Variants in NCAPD2 observed in about 807,000 individuals in gnomAD.
The protein encoded by NCAPD2 is condensin complex subunit 1.
NCAPD2 carries 100 observed loss-of-function variants against 164.5 expected under a neutral mutation model. That is an observed-to-expected ratio of 0.61 (90% CI 0.52 to 0.72). The LOEUF (loss-of-function observed/expected upper bound fraction) is 0.72, where lower values mean the gene tolerates loss of function less well. NCAPD2 is among the 30% of genes least tolerant of loss of function. The pLI is 0.00. For synonymous variants in NCAPD2, 585 were observed against 642.6 expected (o/e 0.91, Z 1.36); for missense variants, 1,560 against 1,749.2 (o/e 0.89, Z 1.93).
chr12:6,521,529 CA>C (rs1442615226), intron 14 of NCAPD2, among the ~76,000 whole-genome samples: 5 of 150,592 alleles, frequency 3.3e-5, no homozygotes, highest in South Asian at 4.2e-4. Flanking sequence ...CAAGGGATAC[CA>C]AAAAAAAATT....
intron 2 of NCAPD2, among the ~76,000 whole-genome samples, chr12:6,497,808 A>T (rs1945997702): frequency 6.6e-6 from 1 of 151,998 alleles, no homozygotes; most frequent in Admixed American, 6.6e-5. Context: ...TAGTTGAGAC[A>T]GGGTTTCACC....
chr12:6,525,477 T>C, intron 17 of NCAPD2, 106 bp from the exon 18 acceptor site: 2 of 1,312,172 alleles, frequency 1.5e-6, no homozygotes, highest in Non-Finnish European at 2.1e-6. Flanking sequence ...TCTTCCTAAG[T>C]ATTACTTTTG....
chr12:6,495,282 A>T lies in NCAPD2; in HGVS notation c.127+57A>T, dbSNP rs866231587. 5.6e-5 allele frequency: 89 copies of T among 1,588,008 alleles called. No homozygotes were observed. The Middle Eastern group carries it at 6.5e-3, about 117-fold the overall frequency. ...TCTTTCAAAGGACCATCTCACATGGAATTGCTACATTGTCATTTCTGTTCC... is the reference window on the plus strand; with the variant it reads ...TCTTTCAAAGGACCATCTCACATGGTATTGCTACATTGTCATTTCTGTTCC... On this transcript the variant is annotated intron_variant, in intron 2 of 31. Coordinates refer to ENST00000315579, the MANE Select transcript of NCAPD2 (RefSeq NM_014865.4).
In NCAPD2 at chr12:6,511,209, C is replaced by T. The variant is rs774592106; in HGVS notation, c.544C>T (p.Arg182Cys). 13 of 1,614,062 alleles carry T rather than the reference C, an allele frequency of 8.1e-6. No homozygotes were observed. Among genetic ancestry groups the T allele is most frequent in the Admixed American group, 5.0e-5 (3 of 60,000 alleles). Reference protein sequence around the residue: ...LLTQLLQLDIRHLWNHSIIEE... With the variant: ...LLTQLLQLDICHLWNHSIIEE... ...AACACAGCTACTTCAGTTGGACATC[C>T]GTCACCTGTGGAACCACTCAATAAT... The change falls in exon 6 of 32, where the codon CGT becomes TGT. Residue 182 changes from arginine to cysteine, a missense_variant. By Grantham distance (180) the Arg-to-Cys change is radical (BLOSUM62 -3). Coordinates refer to ENST00000315579, the MANE Select transcript of NCAPD2 (RefSeq NM_014865.4).
In NCAPD2 at chr12:6,514,288, G is replaced by A. The variant is rs374598691; in HGVS notation, c.611G>A (p.Arg204His). The A allele has an allele frequency of 1.2e-5, 19 of 1,613,914 alleles. No homozygotes were observed. The highest frequency in any genetic ancestry group is 5.5e-5 in the South Asian group (5 of 91,076). The change falls in exon 7 of 32, where the codon CGC (arginine) becomes CAC (histidine). Residue 204 changes from arginine (R) to histidine (H), a missense_variant. Physicochemically the swap from Arg to His is conservative, Grantham distance 29 (BLOSUM62 0). Coordinates refer to ENST00000315579, the MANE Select transcript of NCAPD2 (RefSeq NM_014865.4). The stretch of plus-strand genomic sequence containing the variant: ...AGTTTGGTTACTGGCTGTTGCTACC[G>A]CCTTCTGGAGAATCCCACCATTAAT... ...FVSLVTGCCYRLLENPTINHQ... is the reference protein window; with the variant it reads ...FVSLVTGCCYHLLENPTINHQ...
chr12:6,498,627 G>C (rs1203488971), intron 2 of NCAPD2, among the ~76,000 whole-genome samples: 1 of 136,560 alleles, frequency 7.3e-6, no homozygotes, highest in African/African-American at 2.6e-5. Context: ...TTTTTTTTTT[G>C]AGACGGAGTC....
chr12:6,511,033 T>C, intron 5 of NCAPD2, 77 bp from the exon 6 acceptor site: 1 of 1,495,214 alleles, frequency 6.7e-7, no homozygotes, highest in African/African-American at 1.4e-5. Flanking sequence ...ACTAGATTGT[T>C]TGGGCACTCA....
At chr12:6,494,994 T>C (rs1230937276) in intron 1 of NCAPD2, 82 bp from the exon 2 acceptor site, 8 of 1,406,748 alleles carry the variant, frequency 5.7e-6, no homozygotes, top group Non-Finnish European at 6.8e-6. Context: ...ATTATATATG[T>C]TGGGGATGGG....
intron 2 of NCAPD2, among the ~76,000 whole-genome samples, chr12:6,504,878 C>T (rs1211782842): frequency 6.6e-6 from 1 of 152,082 alleles, no homozygotes; most frequent in Non-Finnish European, 1.5e-5. Context: ...GACCTCCGTC[C>T]ATGGTACCAT....
intron 2 of NCAPD2, among the ~76,000 whole-genome samples, chr12:6,502,931 A>T (rs892166024): frequency 6.7e-6 from 1 of 149,422 alleles, no homozygotes; most frequent in African/African-American, 2.5e-5. Flanking sequence ...GCTCACTGCA[A>T]CCTCCTCAGT....
At chr12:6,526,243 G>A (rs373396021) in intron 19 of NCAPD2, 43 bp downstream of exon 19, 8 of 1,613,980 alleles carry the variant, frequency 5.0e-6, no homozygotes, top group African/African-American at 4.0e-5. Context: ...GGAGATTCTC[G>A]TGTCCACCCT....
chr12:6,514,382 C>T lies in NCAPD2; in HGVS notation c.705C>T (p.Asn235=), dbSNP rs1565542696. The T allele has an allele frequency of 3.7e-6, 6 of 1,614,116 alleles. No individual in the cohort carries two copies. The highest frequency in any genetic ancestry group is 1.6e-4 in the Middle Eastern group (1 of 6,084). Residue 235 remains asparagine, a synonymous_variant, in exon 7 of 32, where the codon AAC becomes AAT. Coordinates refer to ENST00000315579, the MANE Select transcript of NCAPD2 (RefSeq NM_014865.4). ...TTGGTGTAGCCTTGACCCGTTATAA[C>T]CATATGCTCAGTAAGTTACCAGTCG... The part of the protein sequence containing the change: ...HLLGVALTRY[N]HMLSATVKII...
chr12:6,528,495 C>G lies in NCAPD2; in HGVS notation c.3299+167C>G. ...CTGGCTAAGAGTCACCCCAGTGGGA[C>G]TGACACTTCTGGTTAGAAGCTTCAC... On this transcript the variant is annotated intron_variant, in intron 25 of 31. Coordinates refer to ENST00000315579, the MANE Select transcript of NCAPD2 (RefSeq NM_014865.4). This position sits in a 1 kb window ranked among gnomAD's most constrained non-coding sequence, Gnocchi z 5.1. 2 of 1,129,898 alleles carry G rather than the reference C, an allele frequency of 1.8e-6. No individual in the cohort carries two copies. Among genetic ancestry groups the G allele is most frequent in the African/African-American group, 1.6e-5 (1 of 64,114 alleles). 70.0% of individuals were successfully genotyped at this position (1,129,898 alleles called of 1,614,324 possible). A position where few individuals can be genotyped will look rare whatever the true frequency, so the allele number is the denominator to read the frequency against.
chr12:6,524,702 G>A (rs1168706145), intron 17 of NCAPD2, among the ~76,000 whole-genome samples: 3 of 151,446 alleles, frequency 2.0e-5, no homozygotes, highest in Admixed American at 2.0e-4. Flanking sequence ...TGTGAATGTA[G>A]GTTGGAACTA....
chr12:6,520,691 T>A (rs938129763), intron 13 of NCAPD2, among the ~76,000 whole-genome samples: 3 of 152,216 alleles, frequency 2.0e-5, no homozygotes, highest in African/African-American at 7.2e-5. Context: ...TTGGAGTAGG[T>A]TTATGATTTT....
intron 2 of NCAPD2, among the ~76,000 whole-genome samples, chr12:6,505,224 G>C (rs1946088392): frequency 6.6e-6 from 1 of 151,998 alleles, no homozygotes; most frequent in Non-Finnish European, 1.5e-5. Flanking sequence ...GCACCACCAT[G>C]CCTGGCTAAT....
At position 6,495,205 on chromosome 12, in the gene NCAPD2, A is replaced by G. The variant is rs368159489; in HGVS notation, c.107A>G (p.His36Arg). Residue 36 changes from histidine to arginine, a missense_variant, in exon 2 of 32, where the codon CAT becomes CGT. Transcript: ENST00000315579. Reference protein sequence around the residue: ...YVVQEVLSIKHLPPQLRAFQA... With the variant: ...YVVQEVLSIKRLPPQLRAFQA... Reference sequence around the variant, plus strand: ...GTGCAAGAGGTACTGTCCATCAAACATCTTCCACCACAGCTTAGAGGTAAG... The same window carrying G: ...GTGCAAGAGGTACTGTCCATCAAACGTCTTCCACCACAGCTTAGAGGTAAG... 45 of 1,614,034 alleles carry G rather than the reference A, an allele frequency of 2.8e-5. No individual in the cohort carries two copies. The African/African-American group carries it at 4.7e-4, about 17-fold the overall frequency.
chr12:6,502,340 C>G (rs1458310988), intron 2 of NCAPD2, among the ~76,000 whole-genome samples: 3 of 152,156 alleles, frequency 2.0e-5, no homozygotes, highest in African/African-American at 7.2e-5. Flanking sequence ...AAGCCTTTAA[C>G]TGAGAGTGAG....
chr12:6,510,598 G>A lies in NCAPD2; in HGVS notation c.263-31G>A, dbSNP rs374389855. The A allele has an allele frequency of 1.2e-4, 199 of 1,612,574 alleles. 1 individual carries two copies. Among genetic ancestry groups the A allele is most frequent in the Admixed American group, 2.8e-4 (17 of 59,910 alleles). ...GTTGGGGTATATGAAAGAAGTGAGT[G>A]AAACTGACTCCAAGATTCTGCCCCT... On this transcript the variant is annotated intron_variant, in intron 4 of 31. Transcript: ENST00000315579.
Sources: allele counts gnomAD v4.1 joint callset (sites outside exome capture counted in the v4.1 genomes callset), GRCh38; gene constraint gnomAD v4.1.1; non-coding constraint Gnocchi (gnomAD v3.1); transcripts MANE v1.5; gene names NCBI Gene and HGNC (gene_info 2026-07-23, HGNC 2026-07-21).